TMEM114: variants seen among roughly 807,000 people sequenced by gnomAD.
TMEM114 encodes claudin-26.
In TMEM114, 6 loss-of-function variants were observed where a neutral mutation model predicts 6.2. The ratio of observed to expected loss-of-function variants is 0.97; its 90% CI spans 0.53 to 1.91. The LOEUF is 1.91. Among genes scored for constraint, TMEM114 ranks in the 40% most tolerant of loss-of-function variants. The pLI, the probability that TMEM114 is intolerant of heterozygous loss-of-function variation, is 0.01. For missense variants in TMEM114, 218 were observed against 158.3 expected, an observed-to-expected ratio of 1.38 and a Z score of -2.02; for synonymous variants, 104 against 73.0, an observed-to-expected ratio of 1.42 and a Z score of -2.16.
chr16:8,544,561 C>T (rs925461983), intron 2 of TMEM114, among the ~76,000 whole-genome samples: 1 of 152,140 alleles, frequency 6.6e-6, no homozygotes, highest in Admixed American at 6.5e-5. Flanking sequence ...GACGACCAAC[C>T]TGTTGAAATG....
intron 2 of TMEM114, among the ~76,000 whole-genome samples, chr16:8,554,169 GA>G (rs1255061196): frequency 6.6e-6 from 1 of 152,058 alleles, no homozygotes; most frequent in Non-Finnish European, 1.5e-5. Flanking sequence ...AGAACAATAA[GA>G]GATGCATTTG....
chr16:8,569,743 TC>T lies in TMEM114; in HGVS notation c.*29del. ...CGGTGAAGCTCCGGGGCCAAGCCCC[TC>T]CCTCCCCTCCACGACCCAGCGCCCA... On this transcript the variant is annotated 3_prime_UTR_variant, in exon 4 of 4. Coordinates refer to ENST00000620492, the MANE Select transcript of TMEM114 (RefSeq NM_001146336.2). 1 of 1,529,188 alleles carries T rather than the reference TC, an allele frequency of 6.5e-7. No homozygotes were observed. The highest frequency in any genetic ancestry group is 8.8e-7 in the Non-Finnish European group (1 of 1,132,466). The allele number at this position is 1,529,188 out of a possible 1,614,324, so 94.7% of individuals were successfully genotyped here. A position where few individuals can be genotyped will look rare whatever the true frequency, so the allele number is the denominator to read the frequency against.
intron 2 of TMEM114, among the ~76,000 whole-genome samples, chr16:8,562,980 G>T (rs1404212892): frequency 1.6e-5 from 1 of 64,188 alleles, no homozygotes; most frequent in South Asian, 4.6e-4. Flanking sequence ...GAGTGATGGA[G>T]GGAAGGAGTG....
At chr16:8,561,223 C>T (rs1029128002) in intron 2 of TMEM114, among the ~76,000 whole-genome samples, 4 of 152,222 alleles carry the variant, frequency 2.6e-5, no homozygotes, top group African/African-American at 4.8e-5. Context: ...GGAGATTCCC[C>T]TTCCCTTGCC....
At chr16:8,548,488 C>G (rs910585398) in intron 2 of TMEM114, among the ~76,000 whole-genome samples, 1 of 151,930 alleles carries the variant, frequency 6.6e-6, no homozygotes, top group African/African-American at 2.4e-5. Context: ...TTTTCCTAAT[C>G]GTCACCCCAC....
At chr16:8,569,492 G>C (rs1901649278), downstream of TMEM114, 7 of 1,345,526 alleles carry the variant, frequency 5.2e-6, no homozygotes, top group East Asian at 2.1e-4. Context: ...AATCTGTAAA[G>C]CTCTGTGTGT....
intron 2 of TMEM114, among the ~76,000 whole-genome samples, chr16:8,541,756 C>T (rs758945080): frequency 1.3e-5 from 2 of 152,112 alleles, no homozygotes; most frequent in African/African-American, 4.8e-5. Context: ...CCAACATAAG[C>T]CACTATATTC....
chr16:8,554,682 G>C (rs1189863217), intron 2 of TMEM114, among the ~76,000 whole-genome samples: 1 of 123,044 alleles, frequency 8.1e-6, no homozygotes, highest in East Asian at 2.7e-4. Flanking sequence ...GTGAGGCCAG[G>C]TTCAAAATCC....
At chr16:8,543,208 G>A (rs1900566020) in intron 2 of TMEM114, among the ~76,000 whole-genome samples, 1 of 152,172 alleles carries the variant, frequency 6.6e-6, no homozygotes, top group Admixed American at 6.5e-5. Flanking sequence ...CCCAATGGGG[G>A]ACTAAGGAGA....
intron 2 of TMEM114, among the ~76,000 whole-genome samples, chr16:8,582,173 T>C (rs1902174289): frequency 6.6e-6 from 1 of 152,168 alleles, no homozygotes; most frequent in Non-Finnish European, 1.5e-5. Flanking sequence ...TCAGTTCAGC[T>C]TCCACCGCGG....
intron 2 of TMEM114, among the ~76,000 whole-genome samples, chr16:8,562,509 T>A (rs1444640585): frequency 6.9e-6 from 1 of 145,864 alleles, no homozygotes; most frequent in African/African-American, 2.6e-5. Flanking sequence ...AGTAAATGAG[T>A]GACTGAATGA....
At position 8,540,434 on chromosome 16, in the gene TMEM114, G is replaced by A. The variant is rs140183220; in HGVS notation, n.213-2608C>T. On this transcript the variant is annotated intron_variant and non_coding_transcript_variant, in intron 2 of 2. Transcript: ENST00000623677. The stretch of plus-strand genomic sequence containing the variant: ...GATGATGATTGCATTGAATTCATCA[G>A]ATTGTCATAAGTGTTCAATGAAATA... Among the ~76,000 whole-genome samples the A allele has an allele frequency of 4.7e-4, 72 of 152,266 alleles. 1 individual carries two copies. The East Asian group carries it at 0.013, about 27-fold the overall frequency.
chr16:8,533,079 C>T (rs1900262427), downstream of TMEM114, among the ~76,000 whole-genome samples: 1 of 151,930 alleles, frequency 6.6e-6, no homozygotes, highest in South Asian at 2.1e-4. Flanking sequence ...TAGTAAAAGT[C>T]CAAAAGGTAG....
chr16:8,532,687 G>A (rs542041478), downstream of TMEM114, among the ~76,000 whole-genome samples: 2 of 152,296 alleles, frequency 1.3e-5, no homozygotes, highest in South Asian at 2.1e-4. Flanking sequence ...CACTTTGGGA[G>A]GCCGAGGCGG....
At chr16:8,535,127 G>T (rs888709666), downstream of TMEM114, among the ~76,000 whole-genome samples, 1 of 152,148 alleles carries the variant, frequency 6.6e-6, no homozygotes, top group African/African-American at 2.4e-5. Flanking sequence ...TAGTCTCTGA[G>T]TCTCTGTGTC....
intron 2 of TMEM114, among the ~76,000 whole-genome samples, chr16:8,550,651 C>T (rs1419759338): frequency 6.6e-6 from 1 of 150,586 alleles, no homozygotes; most frequent in Non-Finnish European, 1.5e-5. Context: ...GCTCTCCAGC[C>T]TGAGCAACAA....
chr16:8,538,458 A>T (rs1423492184), intron 2 of TMEM114, among the ~76,000 whole-genome samples: 1 of 151,992 alleles, frequency 6.6e-6, no homozygotes, highest in Non-Finnish European at 1.5e-5. Flanking sequence ...ATATGGCTGT[A>T]TGAACCTAGA....
intron 2 of TMEM114, among the ~76,000 whole-genome samples, chr16:8,564,377 ATGAG>A (rs1304968264): frequency 1.4e-5 from 2 of 143,770 alleles, no homozygotes; most frequent in Non-Finnish European, 3.0e-5. Flanking sequence ...GAGTCAGTGA[ATGAG>A]TGAGGGAATG....
At chr16:8,530,601 G>A in the TMEM114 span, among the ~76,000 whole-genome samples, 2 of 151,868 alleles carry the variant, frequency 1.3e-5, no homozygotes, top group Non-Finnish European at 2.9e-5. Flanking sequence ...CAGGAAGGAA[G>A]GAAGAAGGGA....
Sources: gnomAD v4.1 joint callset for allele counts (sites outside exome capture counted in the v4.1 genomes callset) on GRCh38, gnomAD v4.1.1 for gene constraint, MANE v1.5 for transcripts, NCBI Gene and HGNC (gene_info 2026-07-23, HGNC 2026-07-21) for gene names.